The following SHQ1 variants were observed in gnomAD, a reference collection of about 807,000 sequenced individuals.
SHQ1 encodes SHQ1, H/ACA ribonucleoprotein assembly factor, also known as protein SHQ1 homolog.
A neutral mutation model predicts 53.8 loss-of-function variants in SHQ1; 49 were observed. The ratio of observed to expected loss-of-function variants is 0.91; its 90% CI spans 0.72 to 1.16. The LOEUF (loss-of-function observed/expected upper bound fraction) is 1.16. Among genes scored for constraint, SHQ1 ranks in the 50% most tolerant of loss-of-function variants. The pLI is 0.00. For missense variants in SHQ1, 738 were observed against 683.1 expected, an observed-to-expected ratio of 1.08 and a Z score of -0.90; for synonymous variants, 243 against 251.0, an observed-to-expected ratio of 0.97 and a Z score of 0.30.
intron 4 of SHQ1, among the ~76,000 whole-genome samples, chr3:72,833,937 G>A (rs1028735049): frequency 6.6e-6 from 1 of 152,172 alleles, no homozygotes; most frequent in South Asian, 2.1e-4. Flanking sequence ...GAAATCAAGG[G>A]AAATAACTTA....
In SHQ1 at chr3:72,775,188, TA is replaced by T. The variant is rs140758580; in HGVS notation, c.1181+17727del. Among the ~76,000 whole-genome samples the T allele has an allele frequency of 6.9e-3, 1,038 of 151,082 alleles. 17 individuals carry two copies. The highest frequency in any genetic ancestry group is 0.025 in the African/African-American group (1,012 of 41,246). On this transcript the variant is annotated intron_variant, in intron 10 of 10. Transcript: ENST00000325599. ...AATATACCCTCTTACAAAAATAATT[TA>T]AAAACAAAAAAACAAAGAGAGAGAC...
intron 10 of SHQ1, among the ~76,000 whole-genome samples, chr3:72,789,441 A>C (rs897990797): frequency 6.6e-6 from 1 of 150,656 alleles, no homozygotes; most frequent in Non-Finnish European, 1.5e-5. Flanking sequence ...CATGGAAGCC[A>C]AAGGGTTGGA....
At chr3:72,736,641 A>C in the SHQ1 span, among the ~76,000 whole-genome samples, 515 of 148,696 alleles carry the variant, frequency 3.5e-3, no homozygotes, top group Non-Finnish European at 5.7e-3. Context: ...AATTACAAGA[A>C]AACTAGGCAG....
downstream of SHQ1, among the ~76,000 whole-genome samples, chr3:72,745,147 G>GT (rs77261439): frequency 0.012 from 1,807 of 147,406 alleles, 40 homozygotes; most frequent in African/African-American, 0.042. Context: ...CAGGAGTCTG[G>GT]TTTTTTTTTT....
chr3:72,770,256 A>C (rs1002578804), intron 10 of SHQ1, among the ~76,000 whole-genome samples: 2 of 152,250 alleles, frequency 1.3e-5, no homozygotes, highest in Admixed American at 6.5e-5. Flanking sequence ...TGGATAGCAG[A>C]AGCACAGAGA....
downstream of SHQ1, among the ~76,000 whole-genome samples, chr3:72,744,937 G>A (rs1705232423): frequency 7.3e-6 from 1 of 137,584 alleles, no homozygotes; most frequent in Admixed American, 7.1e-5. Flanking sequence ...GGGGGGGGGT[G>A]GTTTCTGCAT....
intron 6 of SHQ1, among the ~76,000 whole-genome samples, chr3:72,818,422 A>G (rs1478232689): frequency 1.3e-5 from 2 of 152,142 alleles, no homozygotes; most frequent in Non-Finnish European, 2.9e-5. Context: ...TCGAGACTGT[A>G]TTGACTGGGT....
chr3:72,759,331 G>GA (rs772659549), intron 10 of SHQ1, among the ~76,000 whole-genome samples: 2 of 152,182 alleles, frequency 1.3e-5, no homozygotes, highest in East Asian at 1.9e-4. Flanking sequence ...TAATAGACCA[G>GA]AAAAAAGTAA....
chr3:72,827,467 C>T lies in SHQ1; in HGVS notation c.600-2916G>A, dbSNP rs184375372. The stretch of plus-strand genomic sequence containing the variant: ...AACTGAAAAGATGCTGTTTTCCTCC[C>T]CAAGGGACCATGATGAAGGGAAAAA... On this transcript the variant is annotated intron_variant, in intron 5 of 10. Coordinates refer to ENST00000325599, the MANE Select transcript of SHQ1 (RefSeq NM_018130.3). Among the ~76,000 whole-genome samples, 228 of 152,080 alleles carry T rather than the reference C, an allele frequency of 1.5e-3. 1 individual carries two copies. The highest frequency in any genetic ancestry group is 5.2e-3 in the African/African-American group (217 of 41,476).
At chr3:72,846,384 C>A in intron 1 of SHQ1, 1 of 1,368,268 alleles carries the variant, frequency 7.3e-7, no homozygotes, top group Admixed American at 2.4e-5. Flanking sequence ...AACCTTCGCC[C>A]CCCAGGTTCA....
In SHQ1 at chr3:72,751,430, T is replaced by C. The variant is rs190068992; in HGVS notation, c.1182-594A>G. 2.6e-3 allele frequency among the ~76,000 whole-genome samples: 389 copies of C among 149,652 alleles called. 3 individuals carry two copies. The highest frequency in any genetic ancestry group is 9.3e-3 in the African/African-American group (375 of 40,430). On this transcript the variant is annotated intron_variant, in intron 10 of 10. Coordinates refer to ENST00000325599, the MANE Select transcript of SHQ1 (RefSeq NM_018130.3). ...TGAGACTCCATCTCAAAAAGAAAAA[T>C]AGAAATATCAATTTCTTCTGGGTAA...
chr3:72,810,798 A>G (rs1362519106), intron 9 of SHQ1, among the ~76,000 whole-genome samples: 1 of 152,180 alleles, frequency 6.6e-6, no homozygotes, highest in Non-Finnish European at 1.5e-5. Context: ...CTTCTGGCAC[A>G]AATTCTAGAC....
rs1211632529 is a variant in SHQ1, at chr3:72,766,710, C to G, written c.1182-15874G>C. Among the ~76,000 whole-genome samples the G allele has an allele frequency of 2.6e-5, 4 of 152,148 alleles. No homozygotes were observed. The East Asian group carries it at 7.7e-4, about 29-fold the overall frequency. The stretch of plus-strand genomic sequence containing the variant: ...GAAAGATTTCAGCACATCCAAGCCC[C>G]TGGTGCAGGTCTGCCGGTGAAGGGA... On this transcript the variant is annotated intron_variant, in intron 10 of 10. Coordinates refer to ENST00000325599, the MANE Select transcript of SHQ1 (RefSeq NM_018130.3).
intron 10 of SHQ1, among the ~76,000 whole-genome samples, chr3:72,752,340 T>C (rs1457492145): frequency 6.6e-6 from 1 of 152,092 alleles, no homozygotes; most frequent in African/African-American, 2.4e-5. Context: ...GTAAAGGAGA[T>C]AAGGTGGGAA....
intron 9 of SHQ1, 47 bp downstream of exon 9, chr3:72,812,624 C>T (rs781635925): frequency 6.2e-7 from 1 of 1,604,266 alleles, no homozygotes; most frequent in Non-Finnish European, 8.5e-7. Flanking sequence ...AGACTAAAAA[C>T]TTACAACTTT....
At chr3:72,787,534 T>C (rs530017374) in intron 10 of SHQ1, among the ~76,000 whole-genome samples, 30 of 152,338 alleles carry the variant, frequency 2.0e-4, no homozygotes, top group African/African-American at 7.2e-4. Flanking sequence ...AGTGAGCATA[T>C]ATGTACTCTT....
chr3:72,761,383 G>A (rs1470563723), intron 10 of SHQ1, among the ~76,000 whole-genome samples: 1 of 152,048 alleles, frequency 6.6e-6, no homozygotes, highest in African/African-American at 2.4e-5. Flanking sequence ...CATTGTCCAG[G>A]CTTGTCTCAA....
intron 10 of SHQ1, among the ~76,000 whole-genome samples, chr3:72,774,798 AAGAC>A (rs1349738290): frequency 5.3e-5 from 8 of 152,208 alleles, no homozygotes; most frequent in Non-Finnish European, 1.2e-4. Context: ...AATGAAATAG[AAGAC>A]AGACAAAGAG....
intron 9 of SHQ1, among the ~76,000 whole-genome samples, chr3:72,796,829 A>C (rs1308442587): frequency 6.6e-6 from 1 of 152,186 alleles, no homozygotes. Context: ...CAAAAACAAA[A>C]GAAATGTCAA....
Sources: allele counts gnomAD v4.1 joint callset (sites outside exome capture counted in the v4.1 genomes callset), GRCh38; gene constraint gnomAD v4.1.1; transcripts MANE v1.5; gene names NCBI Gene and HGNC (gene_info 2026-07-23, HGNC 2026-07-21).